SSR3: variants seen among roughly 807,000 people sequenced by gnomAD.
SSR3 encodes signal sequence receptor subunit 3, also known as translocon-associated protein subunit gamma.
Under a neutral mutation model 22.1 loss-of-function variants are expected in SSR3, and 10 were observed. The observed-to-expected ratio is 0.45, with a 90% CI of 0.28 to 0.77. The LOEUF is 0.77. SSR3 is among the 30% of genes least tolerant of loss of function. SSR3 has a pLI of 0.13. For synonymous variants in SSR3, 104 were observed against 82.5 expected, an observed-to-expected ratio of 1.26 and a Z score of -1.42; for missense variants, 181 against 220.5, an observed-to-expected ratio of 0.82 and a Z score of 1.13.
rs1187438377 is a variant in SSR3, at chr3:156,542,085, T to G, written c.*1118A>C. ...AACTGCTATCACCTGTGATTTCATATCCTTTTAGCTGATATTGCTAAAGAG... is the reference window on the plus strand; with the variant it reads ...AACTGCTATCACCTGTGATTTCATAGCCTTTTAGCTGATATTGCTAAAGAG... On this transcript the variant is annotated 3_prime_UTR_variant, in exon 5 of 5. Transcript: ENST00000265044. 4 of 152,226 alleles carry G rather than the reference T, an allele frequency of 2.6e-5. No individual in the cohort carries two copies. The highest frequency in any genetic ancestry group is 4.4e-5 in the Non-Finnish European group (3 of 68,048). The allele number at this position is 152,226 out of a possible 1,614,324, so 9.4% of individuals were successfully genotyped here. A position where few individuals can be genotyped will look rare whatever the true frequency, so the allele number is the denominator to read the frequency against.
chr3:156,544,026 G>T (rs1719665927), intron 4 of SSR3: 1 of 371,518 alleles, frequency 2.7e-6, no homozygotes, highest in South Asian at 1.4e-4. Context: ...TGACAGGTTT[G>T]CTTTGGCTCT....
chr3:156,549,044 C>G (rs1180067951), intron 2 of SSR3, 41 bp from the exon 3 acceptor site: 1 of 1,576,378 alleles, frequency 6.3e-7, no homozygotes, highest in East Asian at 2.2e-5. Flanking sequence ...CCATATGCTA[C>G]AGAGGTGAAC....
chr3:156,544,531 TTTTTCCTTGAGTGTTCTAGGGTAA>T, intron 3 of SSR3, 92 bp from the exon 4 acceptor site: 1 of 1,090,964 alleles, frequency 9.2e-7, no homozygotes, highest in Non-Finnish European at 1.2e-6. Context: ...ATAAAACAAG[TTTTTCCTTGAGTGTTCTAGGGTAA>T]GAATGTGTTT....
intron 3 of SSR3, among the ~76,000 whole-genome samples, chr3:156,547,838 A>C (rs936309326): frequency 4.6e-5 from 7 of 152,180 alleles, no homozygotes; most frequent in Admixed American, 3.9e-4. Flanking sequence ...AGACAATGAA[A>C]GCTATGTGAC....
At position 156,548,959 on chromosome 3, in the gene SSR3, C is replaced by T. The variant is rs148305354; in HGVS notation, c.305G>A (p.Arg102Gln). The change falls in exon 3 of 5, where the codon CGA becomes CAA. Residue 102 changes from arginine (R) to glutamine (Q), a missense_variant. Physicochemically the swap from Arg to Gln is conservative, Grantham distance 43. Transcript: ENST00000265044. ...TCTATTATCAGCTTCAGAAAGTTTT[C>T]GAGTCACTTCTTTGGAAACAGCATC... ...REDAVSKEVT[R>Q]KLSEADNRKM... 1.9e-6 allele frequency: 3 copies of T among 1,613,326 alleles called. No individual in the cohort carries two copies. The highest frequency in any genetic ancestry group is 2.5e-6 in the Non-Finnish European group (3 of 1,179,858).
intron 2 of SSR3, among the ~76,000 whole-genome samples, chr3:156,550,563 C>T (rs1372181668): frequency 1.3e-5 from 2 of 152,170 alleles, no homozygotes; most frequent in Non-Finnish European, 2.9e-5. Context: ...CACTCTAAAA[C>T]AAAATAGAGG....
In SSR3 at chr3:156,539,996, C is replaced by G. The variant is rs1719370128; in HGVS notation, c.*3207G>C. 6.6e-6 allele frequency: 1 copy of G among 151,800 alleles called. No individual in the cohort carries two copies. Among genetic ancestry groups the G allele is most frequent in the South Asian group, 2.1e-4 (1 of 4,820 alleles). The allele number at this position is 151,800 out of a possible 1,614,324, so 9.4% of individuals were successfully genotyped here. A position where few individuals can be genotyped will look rare whatever the true frequency, so the allele number is the denominator to read the frequency against. ...TTACATGTATACATATGTACCAAACCTGCATGGTCAGCACATGTATCCCAG... is the reference window on the plus strand; with the variant it reads ...TTACATGTATACATATGTACCAAACGTGCATGGTCAGCACATGTATCCCAG... On this transcript the variant is annotated 3_prime_UTR_variant, in exon 5 of 5. Coordinates refer to ENST00000265044, the MANE Select transcript of SSR3 (RefSeq NM_007107.5).
chr3:156,552,463 C>T (rs961295754), intron 2 of SSR3, among the ~76,000 whole-genome samples: 1 of 152,158 alleles, frequency 6.6e-6, no homozygotes, highest in African/African-American at 2.4e-5. Context: ...GTGCTTCATA[C>T]AGTGCATGGC....
chr3:156,553,968 G>T, intron 1 of SSR3, 187 bp from the exon 2 acceptor site: 1 of 462,236 alleles, frequency 2.2e-6, no homozygotes, highest in Non-Finnish European at 3.7e-6. Context: ...AAGCTTTCCA[G>T]TTCAGAACAT....
At chr3:156,545,593 G>A (rs1044130912) in intron 3 of SSR3, among the ~76,000 whole-genome samples, 1 of 152,124 alleles carries the variant, frequency 6.6e-6, no homozygotes, top group Admixed American at 6.6e-5. Context: ...TGCCGGAAAG[G>A]AGCTAAATGA....
At chr3:156,547,424 C>A (rs1719805168) in intron 3 of SSR3, among the ~76,000 whole-genome samples, 1 of 152,164 alleles carries the variant, frequency 6.6e-6, no homozygotes, top group South Asian at 2.1e-4. Context: ...AAAGCTGTAA[C>A]AAACATTTTG....
At position 156,543,101 on chromosome 3, in the gene SSR3, C is replaced by G. The variant is rs1255664437; in HGVS notation, c.*102G>C. On this transcript the variant is annotated 3_prime_UTR_variant, in exon 5 of 5. Transcript: ENST00000265044. The stretch of plus-strand genomic sequence containing the variant: ...TGCTGGGTTTTTTAAAGGCTCTAGA[C>G]TATAAAAACATCTTGTGTCTCCCAC... 3.1e-6 allele frequency: 3 copies of G among 957,932 alleles called. No homozygotes were observed. Among genetic ancestry groups the G allele is most frequent in the Non-Finnish European group, 4.8e-6 (3 of 623,362 alleles). The allele number at this position is 957,932 out of a possible 1,614,324, so 59.3% of individuals were successfully genotyped here. A position where few individuals can be genotyped will look rare whatever the true frequency, so the allele number is the denominator to read the frequency against.
intron 4 of SSR3, chr3:156,543,887 TAAC>T (rs1405581784): frequency 5.6e-6 from 1 of 178,662 alleles, no homozygotes; most frequent in African/African-American, 2.3e-5. Flanking sequence ...AAGCTCAACT[TAAC>T]AGCAGCTTGA....
intron 2 of SSR3, among the ~76,000 whole-genome samples, chr3:156,552,962 C>T (rs1307872490): frequency 6.6e-6 from 1 of 151,234 alleles, no homozygotes; most frequent in East Asian, 1.9e-4. Flanking sequence ...TATGTGTGAT[C>T]TTAGACTATG....
chr3:156,550,261 C>G (rs1229043528), intron 2 of SSR3, among the ~76,000 whole-genome samples: 1 of 152,170 alleles, frequency 6.6e-6, no homozygotes, highest in Non-Finnish European at 1.5e-5. Flanking sequence ...AAAATATATA[C>G]ACACACCCCA....
At chr3:156,544,460 C>T in intron 3 of SSR3, 21 bp from the exon 4 acceptor site, 3 of 1,504,978 alleles carry the variant, frequency 2.0e-6, no homozygotes, top group Non-Finnish European at 2.7e-6. Flanking sequence ...AGAAACAAGT[C>T]AAACAAGCTT....
chr3:156,552,161 C>A (rs1019307936), intron 2 of SSR3, among the ~76,000 whole-genome samples: 1 of 151,820 alleles, frequency 6.6e-6, no homozygotes, highest in Non-Finnish European at 1.5e-5. Context: ...ATTAGCCAGG[C>A]GTGGTAGTAG....
chr3:156,548,978 C>G lies in SSR3; in HGVS notation c.286G>C (p.Val96Leu). Reference protein sequence around the residue: ...HKVAQKREDAVSKEVTRKLSE... With the variant: ...HKVAQKREDALSKEVTRKLSE... The stretch of plus-strand genomic sequence containing the variant: ...AGTTTTCGAGTCACTTCTTTGGAAA[C>G]AGCATCCTCCCTCTTCTGTGCTACT... The change falls in exon 3 of 5, where the codon GTT becomes CTT. Residue 96 changes from valine (V) to leucine (L), a missense_variant. By Grantham distance (32) the Val-to-Leu change is conservative. Coordinates refer to ENST00000265044, the MANE Select transcript of SSR3 (RefSeq NM_007107.5). The G allele has an allele frequency of 6.2e-7, 1 of 1,613,096 alleles. No individual in the cohort carries two copies. Among genetic ancestry groups the G allele is most frequent in the Non-Finnish European group, 8.5e-7 (1 of 1,179,842 alleles).
chr3:156,543,229 C>T lies in SSR3; in HGVS notation c.532G>A (p.Ala178Thr), dbSNP rs758900330. ...TATTTGGAGCCAGTAGACAGGAGGG[C>T]GATGAGTCCTGATGAAGCACTTATG... Reference protein sequence around the residue: ...LSISASSGLIALLSTGSK With the variant: ...LSISASSGLITLLSTGSK Residue 178 changes from alanine (A) to threonine (T), a missense_variant, in exon 5 of 5, where the codon GCC becomes ACC. Physicochemically the swap from Ala to Thr is moderately conservative, Grantham distance 58. Coordinates refer to ENST00000265044, the MANE Select transcript of SSR3 (RefSeq NM_007107.5). The T allele has an allele frequency of 6.8e-6, 11 of 1,613,848 alleles. No homozygotes were observed. The highest frequency in any genetic ancestry group is 1.1e-5 in the South Asian group (1 of 91,060).
Sources: allele counts gnomAD v4.1 joint callset (sites outside exome capture counted in the v4.1 genomes callset), GRCh38; gene constraint gnomAD v4.1.1; transcripts MANE v1.5; gene names NCBI Gene and HGNC (gene_info 2026-07-23, HGNC 2026-07-21).